LAMA3: variants seen among roughly 807,000 people sequenced by gnomAD.
LAMA3 encodes laminin subunit alpha 3.
In LAMA3, 281 loss-of-function variants were observed where a neutral mutation model predicts 402.0. The observed-to-expected ratio is 0.70, with a 90% confidence interval of 0.63 to 0.77. The LOEUF (loss-of-function observed/expected upper bound fraction) is 0.77. Among genes scored for constraint, LAMA3 ranks in the 30% least tolerant of loss-of-function variants. The probability of loss-of-function intolerance (pLI) is 0.00; values close to 1 mark genes in which losing one functional copy is unlikely to be tolerated. For missense variants in LAMA3, 3,840 were observed against 4,215.5 expected (o/e 0.91, Z 2.47); for synonymous variants, 1,431 against 1,558.4 (o/e 0.92, Z 1.93).
intron 40 of LAMA3, 120 bp downstream of exon 40, chr18:23,882,165 C>A (rs2064920879): frequency 1.4e-6 from 1 of 717,898 alleles, no homozygotes; most frequent in Non-Finnish European, 2.5e-6. Context: ...TCTGGGATTT[C>A]TTTTTGAAGG....
At chr18:23,841,662 C>T (rs184204034) in intron 27 of LAMA3, among the ~76,000 whole-genome samples, 73 of 152,300 alleles carry the variant, frequency 4.8e-4, no homozygotes, top group African/African-American at 1.7e-3. Flanking sequence ...GTGGTTCACA[C>T]TTGTGATCCC....
chr18:23,932,559 G>A (rs2082194237), intron 66 of LAMA3: 1 of 394,606 alleles, frequency 2.5e-6, no homozygotes, highest in Non-Finnish European at 4.8e-6. Flanking sequence ...TTATGGCCCG[G>A]AAAAGTATTC....
intron 32 of LAMA3, among the ~76,000 whole-genome samples, 196 bp downstream of exon 32, chr18:23,847,864 C>T (rs1423377419): frequency 6.6e-6 from 1 of 152,228 alleles, no homozygotes; most frequent in Non-Finnish European, 1.5e-5. Context: ...TGGGCAGAGC[C>T]TGTGTGGACA....
chr18:23,754,097 G>C (rs1377998403), intron 6 of LAMA3, among the ~76,000 whole-genome samples: 3 of 152,110 alleles, frequency 2.0e-5, no homozygotes, highest in Admixed American at 6.5e-5. Context: ...GCAGCCAATT[G>C]ATTAGAGCTG....
chr18:23,712,391 A>AC (rs2061009320), intron 1 of LAMA3, among the ~76,000 whole-genome samples: 1 of 151,902 alleles, frequency 6.6e-6, no homozygotes, highest in East Asian at 1.9e-4. Flanking sequence ...AAAAAAAAAA[A>AC]AAAAAAGTTA....
intron 64 of LAMA3, among the ~76,000 whole-genome samples, chr18:23,930,599 T>G (rs1235279617): frequency 6.6e-6 from 1 of 151,976 alleles, no homozygotes; most frequent in Admixed American, 6.6e-5. Flanking sequence ...AATTACAAAC[T>G]TAGCCGGCTG....
chr18:23,929,492 G>A (rs1035735411), intron 64 of LAMA3, among the ~76,000 whole-genome samples: 2 of 152,198 alleles, frequency 1.3e-5, no homozygotes, highest in African/African-American at 4.8e-5. Flanking sequence ...GCTGGTGGCT[G>A]ACTCTGTGGC....
Position 23,907,888 on chromosome 18 carries a change from C to T in LAMA3, c.6968C>T (p.Thr2323Ile), listed in dbSNP as rs1332752297. Reference protein sequence around the residue: ...VERIKDTYGRTQNEDFKKALT... With the variant: ...VERIKDTYGRIQNEDFKKALT... ...AGAATTAAGGACACCTATGGGAGGA[C>T]ACAGAACGAAGACTTCAAAAAGGCT... The change falls in exon 54 of 75, where the codon ACA (threonine) becomes ATA (isoleucine). Residue 2323 changes from threonine (T) to isoleucine (I), a missense_variant. Physicochemically the swap from Thr to Ile is moderately conservative, Grantham distance 89 (BLOSUM62 -1). Transcript: ENST00000313654. 6.2e-7 allele frequency: 1 copy of T among 1,613,954 alleles called. No homozygotes were observed. Among genetic ancestry groups the T allele is most frequent in the Non-Finnish European group, 8.5e-7 (1 of 1,180,022 alleles).
intron 2 of LAMA3, 136 bp from the exon 3 acceptor site, chr18:23,747,807 C>T (rs4800509): frequency 2.8e-6 from 2 of 704,310 alleles, no homozygotes; most frequent in African/African-American, 3.5e-5. Flanking sequence ...GTCCAATAGA[C>T]AGGAATCAGG....
At chr18:23,707,016 T>TCACTTAAAC (rs1338761387) in intron 1 of LAMA3, among the ~76,000 whole-genome samples, 8 of 152,230 alleles carry the variant, frequency 5.3e-5, no homozygotes, top group Non-Finnish European at 8.8e-5. Flanking sequence ...AGGCAGAGGT[T>TCACTTAAAC]GCAGTGAGCC....
chr18:23,855,931 G>A (rs1161140240), intron 32 of LAMA3, among the ~76,000 whole-genome samples: 1 of 152,158 alleles, frequency 6.6e-6, no homozygotes, highest in Non-Finnish European at 1.5e-5. Flanking sequence ...TAGTTGTGCC[G>A]AGTGGACAGA....
intron 11 of LAMA3, among the ~76,000 whole-genome samples, chr18:23,780,579 A>T (rs545845741): frequency 6.6e-6 from 1 of 152,204 alleles, no homozygotes; most frequent in Non-Finnish European, 1.5e-5. Context: ...GGAATAAGAA[A>T]AGACCTGAGC....
intron 12 of LAMA3, among the ~76,000 whole-genome samples, chr18:23,799,810 C>T (rs749748776): frequency 3.9e-5 from 6 of 152,020 alleles, no homozygotes; most frequent in Admixed American, 6.6e-5. Flanking sequence ...GTCTGAAATC[C>T]GTAGGTTGGA....
At chr18:23,811,992 G>C (rs894901919) in intron 13 of LAMA3, among the ~76,000 whole-genome samples, 10 of 151,950 alleles carry the variant, frequency 6.6e-5, no homozygotes, top group African/African-American at 2.4e-4. Flanking sequence ...TCCTGCCTCA[G>C]CCTCTCGAGT....
chr18:23,923,405 C>A (rs537480928), intron 62 of LAMA3, among the ~76,000 whole-genome samples: 1 of 152,234 alleles, frequency 6.6e-6, no homozygotes, highest in African/African-American at 2.4e-5. Context: ...TGCAGGTGAG[C>A]AACAGGGATC....
At chr18:23,952,116 G>T (rs556193066) in intron 73 of LAMA3, among the ~76,000 whole-genome samples, 1 of 152,308 alleles carries the variant, frequency 6.6e-6, no homozygotes, top group South Asian at 2.1e-4. Context: ...TCAAATCTTA[G>T]TTCCATCCCT....
chr18:23,899,217 C>CTTT, intron 46 of LAMA3, 71 bp from the exon 47 acceptor site: 11 of 1,137,882 alleles, frequency 9.7e-6, no homozygotes, highest in South Asian at 4.3e-5. Flanking sequence ...AAGTTTCTAC[C>CTTT]TTTTTTTTTT....
chr18:23,931,756 G>C, intron 65 of LAMA3: 1 of 253,754 alleles, frequency 3.9e-6, no homozygotes, highest in Non-Finnish European at 7.6e-6. Context: ...ATTCAGGATA[G>C]AGGGAGGGAG....
At chr18:23,815,631 AAAT>A (rs1251534554) in intron 17 of LAMA3, 58 bp downstream of exon 17, 5 of 1,138,908 alleles carry the variant, frequency 4.4e-6, no homozygotes, top group African/African-American at 1.5e-5. Flanking sequence ...AAGATGGTCT[AAAT>A]AACATTTCTT....
Sources: gnomAD v4.1 joint callset for allele counts (sites outside exome capture counted in the v4.1 genomes callset) on GRCh38, gnomAD v4.1.1 for gene constraint, MANE v1.5 for transcripts, NCBI Gene and HGNC (gene_info 2026-07-23, HGNC 2026-07-21) for gene names.